Variants in POMGNT1 observed in about 807,000 individuals in gnomAD.
POMGNT1 encodes the protein protein O-linked-mannose beta-1,2-N-acetylglucosaminyltransferase 1.
Under a neutral mutation model 95.6 loss-of-function variants are expected in POMGNT1, and 67 were observed. That is an observed-to-expected ratio of 0.70 (90% CI 0.58 to 0.86). POMGNT1 has a LOEUF of 0.86. Ranked by LOEUF, POMGNT1 falls within the 40% of genes least tolerant of loss-of-function variation. The pLI is 0.00. For synonymous variants in POMGNT1, 298 were observed against 317.9 expected, an observed-to-expected ratio of 0.94 and a Z score of 0.66; for missense variants, 719 against 855.2, an observed-to-expected ratio of 0.84 and a Z score of 1.99.
chr1:46,210,565 C>T (rs1181703285), intron 1 of POMGNT1, among the ~76,000 whole-genome samples: 1 of 152,162 alleles, frequency 6.6e-6, no homozygotes, highest in Non-Finnish European at 1.5e-5. Context: ...CTATGACCCC[C>T]TCCTTGGGTT....
At chr1:46,198,879 G>C (rs1213709075), upstream of POMGNT1, among the ~76,000 whole-genome samples, 1 of 152,204 alleles carries the variant, frequency 6.6e-6, no homozygotes, top group Non-Finnish European at 1.5e-5. Context: ...ACTGTTCTAA[G>C]CACCTTACTG....
intron 2 of POMGNT1, 102 bp downstream of exon 2, chr1:46,197,600 T>G: frequency 1.3e-6 from 2 of 1,582,628 alleles, no homozygotes; most frequent in South Asian, 1.1e-5. Context: ...CTGCTGCCCC[T>G]TTCCCACTGG....
chr1:46,199,842 A>G (rs186637097), upstream of POMGNT1, among the ~76,000 whole-genome samples: 1 of 152,296 alleles, frequency 6.6e-6, no homozygotes, highest in Admixed American at 6.5e-5. Flanking sequence ...AAGTATGTAT[A>G]AGAATGGAAG....
rs780059851 is a variant in POMGNT1 at position 46,195,810 on chromosome 1, C to T, written c.534+1G>A. On this transcript the variant is annotated splice_donor_variant, in intron 6 of 21. Coordinates refer to ENST00000371984, the MANE Select transcript of POMGNT1 (RefSeq NM_017739.4). LOFTEE classifies it high-confidence loss of function. Reference sequence around the variant, plus strand: ...GTCAGGGTCAGGACAGAATAACTGACCTTGACAGTGCAGATGAGCACTCGG... The same window carrying T: ...GTCAGGGTCAGGACAGAATAACTGATCTTGACAGTGCAGATGAGCACTCGG... The T allele has an allele frequency of 1.3e-6, 2 of 1,588,340 alleles. No individual in the cohort carries two copies. Among genetic ancestry groups the T allele is most frequent in the Non-Finnish European group, 8.6e-7 (1 of 1,165,892 alleles).
At chr1:46,220,222 A>G (rs1169968298) in exon 1 of POMGNT1, 1 of 1,600,424 alleles carries the variant, frequency 6.2e-7, no homozygotes, top group Non-Finnish European at 8.5e-7. Flanking sequence ...TTCTTGTAAC[A>G]ACTATTCCAC....
chr1:46,202,800 C>G (rs1264806859), upstream of POMGNT1, among the ~76,000 whole-genome samples: 1 of 146,918 alleles, frequency 6.8e-6, no homozygotes, highest in African/African-American at 2.5e-5. Context: ...ATAATTCATA[C>G]GCACAGTCAA....
At chr1:46,195,619 A>C in intron 6 of POMGNT1, 192 bp downstream of exon 6, 2 of 666,398 alleles carry the variant, frequency 3.0e-6, no homozygotes, top group East Asian at 2.8e-5. Context: ...CACCCAGAGA[A>C]GTACCTGGCA....
At chr1:46,204,636 GCTGGGAAGAGAGT>G (rs1658657094) in intron 1 of POMGNT1, among the ~76,000 whole-genome samples, 1 of 152,216 alleles carries the variant, frequency 6.6e-6, no homozygotes, top group South Asian at 2.1e-4. Flanking sequence ...GAGCTGAGAG[GCTGGGAAGAGAGT>G]CTGGTGGGTG....
chr1:46,218,043 G>C (rs1659120967), intron 1 of POMGNT1, among the ~76,000 whole-genome samples: 1 of 152,166 alleles, frequency 6.6e-6, no homozygotes, highest in Non-Finnish European at 1.5e-5. Flanking sequence ...TGGGAGAACT[G>C]TTCATGTTCA....
chr1:46,193,652 G>C lies in POMGNT1; in HGVS notation c.951-13C>G. The C allele has an allele frequency of 6.2e-7, 1 of 1,614,084 alleles. No homozygotes were observed. The highest frequency in any genetic ancestry group is 8.5e-7 in the Non-Finnish European group (1 of 1,179,994). On this transcript the variant is annotated splice_polypyrimidine_tract_variant and intron_variant, in intron 10 of 21. Transcript: ENST00000371984. The stretch of plus-strand genomic sequence containing the variant: ...AGAGCGCAGCATCCTGGGGAGCCCA[G>C]GGATAGGTTAGGGTCACTTCATCAC...
chr1:46,190,328 G>A, intron 19 of POMGNT1, 145 bp downstream of exon 19: 5 of 1,110,212 alleles, frequency 4.5e-6, no homozygotes, highest in South Asian at 3.7e-5. Flanking sequence ...ACAGGCGTGA[G>A]CCACCGCGCC....
At position 46,196,729 on chromosome 1, in the gene POMGNT1, A is replaced by C. The variant is rs760199086; in HGVS notation, c.354+2T>G. 2 of 1,614,112 alleles carry C rather than the reference A, an allele frequency of 1.2e-6. No individual in the cohort carries two copies. Among genetic ancestry groups the C allele is most frequent in the Non-Finnish European group, 8.5e-7 (1 of 1,180,026 alleles). ...CTGTACACCAGACCCTGGCCCACTG[A>C]CCGTGGTGCCATCCACTGCCACATA... On this transcript the variant is annotated splice_donor_variant, in intron 4 of 21. Coordinates refer to ENST00000371984, the MANE Select transcript of POMGNT1 (RefSeq NM_017739.4). LOFTEE classifies it high-confidence loss of function. This position sits in a 1 kb window ranked among gnomAD's most constrained non-coding sequence, Gnocchi z 4.4.
chr1:46,197,290 C>T, intron 2 of POMGNT1: 3 of 1,503,460 alleles, frequency 2.0e-6, no homozygotes, highest in Non-Finnish European at 2.7e-6. Context: ...CTTCCCCCTC[C>T]ATTAGGGCCC....
At chr1:46,195,336 AC>A in intron 6 of POMGNT1, 1 of 374,358 alleles carries the variant, frequency 2.7e-6, no homozygotes, top group Non-Finnish European at 5.1e-6. Context: ...CATTCTTTCC[AC>A]CTGGAATGCT....
At chr1:46,198,976 C>G (rs1658450343), upstream of POMGNT1, among the ~76,000 whole-genome samples, 3 of 152,274 alleles carry the variant, frequency 2.0e-5, no homozygotes, top group South Asian at 6.2e-4. Flanking sequence ...GAGTCTCGCT[C>G]TGTCGCCCAG....
rs1657521394 is a variant in POMGNT1, at chr1:46,188,898, A to G, written c.*372T>C. 2 of 1,612,698 alleles carry G rather than the reference A, an allele frequency of 1.2e-6. No homozygotes were observed. Among genetic ancestry groups the G allele is most frequent in the Admixed American group, 1.7e-5 (1 of 59,990 alleles). On this transcript the variant is annotated 3_prime_UTR_variant, in exon 22 of 22. Transcript: ENST00000371984. ...ACCCTCAGGGCAGCATTCCAGCCCA[A>G]AAAGAAATCCAGGCCCTCCAGGTTC...
chr1:46,217,702 C>T (rs749530473), intron 1 of POMGNT1, among the ~76,000 whole-genome samples: 2 of 151,968 alleles, frequency 1.3e-5, no homozygotes, highest in Non-Finnish European at 2.9e-5. Context: ...ACTAAAAATA[C>T]AAAAATTAGC....
chr1:46,209,209 A>T (rs1231769578), intron 1 of POMGNT1, among the ~76,000 whole-genome samples: 2 of 152,168 alleles, frequency 1.3e-5, no homozygotes, highest in Admixed American at 6.5e-5. Flanking sequence ...TTTTTCGTAG[A>T]GATGGGGTTG....
At chr1:46,191,912 G>C (rs1399939344) in intron 17 of POMGNT1, 186 bp downstream of exon 17, 2 of 911,982 alleles carry the variant, frequency 2.2e-6, no homozygotes, top group African/African-American at 1.7e-5. Context: ...GGGATTACAG[G>C]CGTGAGCCAC....
Sources: allele counts gnomAD v4.1 joint callset (sites outside exome capture counted in the v4.1 genomes callset), GRCh38; gene constraint gnomAD v4.1.1; non-coding constraint Gnocchi (gnomAD v3.1); transcripts MANE v1.5; gene names NCBI Gene and HGNC (gene_info 2026-07-23, HGNC 2026-07-21).